MVB12B: variants seen among roughly 807,000 people sequenced by gnomAD.
The protein encoded by MVB12B is ESCRT-I complex subunit MVB12B.
MVB12B carries 16 observed loss-of-function variants against 41.6 expected under a neutral mutation model. That is an observed-to-expected ratio of 0.38 (90% CI 0.26 to 0.58). The LOEUF (loss-of-function observed/expected upper bound fraction) is 0.58, where lower values mean the gene tolerates loss of function less well. Among genes scored for constraint, MVB12B ranks in the 20% least tolerant of loss-of-function variants. The pLI is 0.62. For synonymous variants in MVB12B, 133 were observed against 139.7 expected (o/e 0.95, Z 0.34); for missense variants, 274 against 380.2 (o/e 0.72, Z 2.32).
intron 2 of MVB12B, among the ~76,000 whole-genome samples, chr9:126,347,288 C>T (rs1185051037): frequency 6.6e-6 from 1 of 152,242 alleles, no homozygotes; most frequent in Non-Finnish European, 1.5e-5. Flanking sequence ...CAGCCTTGGG[C>T]TCGGCCTGTG....
chr9:126,412,742 C>A (rs764478568), intron 6 of MVB12B, among the ~76,000 whole-genome samples: 1 of 152,216 alleles, frequency 6.6e-6, no homozygotes, highest in Non-Finnish European at 1.5e-5. Context: ...TAAGTTACTC[C>A]CTCCAGCCCT....
At chr9:126,439,609 C>G (rs1007503504) in intron 7 of MVB12B, among the ~76,000 whole-genome samples, 1 of 152,234 alleles carries the variant, frequency 6.6e-6, no homozygotes, top group African/African-American at 2.4e-5. Context: ...CTCACACGTA[C>G]AGTACCAACT....
intron 7 of MVB12B, among the ~76,000 whole-genome samples, chr9:126,472,350 T>C (rs189265973): frequency 1.3e-5 from 2 of 151,774 alleles, no homozygotes; most frequent in Admixed American, 1.3e-4. Flanking sequence ...TTCCTACAGA[T>C]TCATGGCAGA....
intron 2 of MVB12B, among the ~76,000 whole-genome samples, chr9:126,349,393 C>T (rs1266347132): frequency 6.6e-6 from 1 of 152,120 alleles, no homozygotes; most frequent in Non-Finnish European, 1.5e-5. Flanking sequence ...TCTGCAAGAC[C>T]TCAGGATATC....
At chr9:126,488,197 G>C (rs560775890) in intron 9 of MVB12B, among the ~76,000 whole-genome samples, 32 of 152,250 alleles carry the variant, frequency 2.1e-4, no homozygotes, top group African/African-American at 7.2e-4. Context: ...GGAGTGGGCT[G>C]TGTTCCCTGG....
At chr9:126,351,757 G>A (rs534195931) in intron 2 of MVB12B, among the ~76,000 whole-genome samples, 1 of 152,100 alleles carries the variant, frequency 6.6e-6, no homozygotes, top group Admixed American at 6.5e-5. Flanking sequence ...CAAAGTGCTG[G>A]GATTACAGGC....
At chr9:126,354,425 T>C (rs985565709) in intron 2 of MVB12B, among the ~76,000 whole-genome samples, 2 of 152,246 alleles carry the variant, frequency 1.3e-5, no homozygotes, top group Admixed American at 1.3e-4. Flanking sequence ...AAGACCTGTC[T>C]AGATGCTAAA....
At chr9:126,356,214 TG>T (rs946705068) in intron 2 of MVB12B, among the ~76,000 whole-genome samples, 2 of 152,242 alleles carry the variant, frequency 1.3e-5, no homozygotes, top group African/African-American at 4.8e-5. Flanking sequence ...CTCGTCAAAT[TG>T]CACAAAATAC....
chr9:126,490,579 G>T (rs893683892), intron 9 of MVB12B, among the ~76,000 whole-genome samples: 3 of 152,176 alleles, frequency 2.0e-5, no homozygotes, highest in Non-Finnish European at 4.4e-5. Flanking sequence ...TTAGCCTGCC[G>T]CACTCCTGGC....
At chr9:126,474,799 C>T (rs61001014) in intron 7 of MVB12B, among the ~76,000 whole-genome samples, 3 of 152,320 alleles carry the variant, frequency 2.0e-5, no homozygotes, top group East Asian at 1.9e-4. Context: ...CCTGGGCCAT[C>T]GAACCTGATG....
chr9:126,396,606 C>T (rs1382223525), intron 6 of MVB12B: 1 of 985,364 alleles, frequency 1.0e-6, no homozygotes, highest in East Asian at 1.1e-4. Flanking sequence ...GCTCTCTGTA[C>T]TCTGTTCCTC....
At chr9:126,373,981 CTAAAG>C (rs777293177) in intron 2 of MVB12B, among the ~76,000 whole-genome samples, 4 of 152,322 alleles carry the variant, frequency 2.6e-5, no homozygotes, top group South Asian at 2.1e-4. Flanking sequence ...TGAAAACAAA[CTAAAG>C]TATTGTACTT....
chr9:126,357,445 T>A (rs568005515), intron 2 of MVB12B, among the ~76,000 whole-genome samples: 4 of 152,338 alleles, frequency 2.6e-5, no homozygotes, highest in African/African-American at 9.6e-5. Flanking sequence ...TCCAAGTGGT[T>A]GTATCATTTT....
chr9:126,374,225 C>G (rs1588118102), intron 2 of MVB12B, among the ~76,000 whole-genome samples: 1 of 152,248 alleles, frequency 6.6e-6, no homozygotes. Context: ...CACTTTCTGT[C>G]CCTTTAATAT....
chr9:126,424,824 C>A (rs935832689), intron 7 of MVB12B, among the ~76,000 whole-genome samples: 1 of 152,254 alleles, frequency 6.6e-6, no homozygotes, highest in Admixed American at 6.5e-5. Flanking sequence ...TCCATCCTCA[C>A]ACTTGTCCTA....
chr9:126,355,144 C>T (rs964484332), intron 2 of MVB12B, among the ~76,000 whole-genome samples: 11 of 152,272 alleles, frequency 7.2e-5, no homozygotes, highest in East Asian at 1.9e-4. Flanking sequence ...ATGAAACCCA[C>T]GGCAGCTTCT....
chr9:126,501,047 T>A (rs922698413), intron 9 of MVB12B, among the ~76,000 whole-genome samples: 4 of 152,226 alleles, frequency 2.6e-5, no homozygotes, highest in South Asian at 4.1e-4. Flanking sequence ...GCCGTGCATG[T>A]GCCCAGGCGG....
intron 7 of MVB12B, among the ~76,000 whole-genome samples, chr9:126,464,772 G>C (rs912432657): frequency 1.3e-5 from 2 of 152,222 alleles, no homozygotes; most frequent in African/African-American, 4.8e-5. Flanking sequence ...GAAGGCAGTG[G>C]ATTTAGGAGA....
intron 7 of MVB12B, among the ~76,000 whole-genome samples, chr9:126,448,930 T>C (rs986952824): frequency 3.9e-5 from 6 of 152,128 alleles, no homozygotes; most frequent in African/African-American, 1.2e-4. Flanking sequence ...TCATTGGAAG[T>C]GCTTATTTGA....
Sources: allele counts gnomAD v4.1 joint callset (sites outside exome capture counted in the v4.1 genomes callset), GRCh38; gene constraint gnomAD v4.1.1; transcripts MANE v1.5; gene names NCBI Gene and HGNC (gene_info 2026-07-23, HGNC 2026-07-21).